Variants in SORCS2 observed in about 807,000 individuals in gnomAD.
The protein encoded by SORCS2 is sortilin related VPS10 domain containing receptor 2, also known as VPS10 domain-containing receptor SorCS2.
Under a neutral mutation model 141.6 loss-of-function variants are expected in SORCS2, and 100 were observed. The ratio of observed to expected loss-of-function variants is 0.71; its 90% CI spans 0.60 to 0.83. The LOEUF (loss-of-function observed/expected upper bound fraction) is 0.83. Ranked by LOEUF, SORCS2 falls within the 40% of genes least tolerant of loss-of-function variation. The pLI is 0.00. For missense variants in SORCS2, 1,646 were observed against 1,560.2 expected, an observed-to-expected ratio of 1.05 and a Z score of -0.93; for synonymous variants, 789 against 676.9, an observed-to-expected ratio of 1.17 and a Z score of -2.57.
intron 1 of SORCS2, among the ~76,000 whole-genome samples, chr4:7,363,225 A>AC (rs1447009208): frequency 6.7e-6 from 1 of 150,122 alleles, no homozygotes; most frequent in Non-Finnish European, 1.5e-5. Flanking sequence ...CACCATTACT[A>AC]CCATCATCAC....
chr4:7,475,673 A>G (rs1294616397), intron 2 of SORCS2, among the ~76,000 whole-genome samples: 4 of 152,362 alleles, frequency 2.6e-5, no homozygotes, highest in Admixed American at 6.5e-5. Context: ...GTACATGTGC[A>G]TACATGCACT....
rs1712257723 is a variant in SORCS2, at chr4:7,737,228, C to T, written c.3415+56C>T. ...CGCAGACTCTAGGTAACGTCCGCCCCAAACCCACCCCGCCCTCCCACAGGC... is the reference window on the plus strand; with the variant it reads ...CGCAGACTCTAGGTAACGTCCGCCCTAAACCCACCCCGCCCTCCCACAGGC... On this transcript the variant is annotated intron_variant, in intron 26 of 26. Transcript: ENST00000507866. 4 of 1,546,482 alleles carry T rather than the reference C, an allele frequency of 2.6e-6. No homozygotes were observed. In the African/African-American group the frequency reaches 4.1e-5, roughly 16 times the overall value.
At chr4:7,529,710 C>T (rs1733909543) in intron 2 of SORCS2, among the ~76,000 whole-genome samples, 1 of 152,180 alleles carries the variant, frequency 6.6e-6, no homozygotes, top group East Asian at 1.9e-4. Flanking sequence ...TCTGCAAGGG[C>T]CTTGGAATTT....
chr4:7,318,268 G>A (rs1361066307), intron 1 of SORCS2, among the ~76,000 whole-genome samples: 1 of 152,214 alleles, frequency 6.6e-6, no homozygotes, highest in Non-Finnish European at 1.5e-5. Context: ...GGCAGAGCTA[G>A]GTGCTGCACC....
At position 7,286,457 on chromosome 4, in the gene SORCS2, G is replaced by A. The variant is rs1461870250; in HGVS notation, c.480+93331G>A. Among the ~76,000 whole-genome samples, 1 of 152,220 alleles carries A rather than the reference G, an allele frequency of 6.6e-6. No homozygotes were observed. The highest frequency in any genetic ancestry group is 1.9e-4 in the East Asian group (1 of 5,194). ...AGCCACGAGGCCTGACGTTGGAGAT[G>A]CACCATCCTCTCAGCCCTGTTTCTC... On this transcript the variant is annotated intron_variant, in intron 1 of 26. Transcript: ENST00000507866. The surrounding 1 kb of genome is among the most constrained non-coding windows in gnomAD (Gnocchi z 4.1).
At chr4:7,442,875 G>A (rs1238639107) in intron 2 of SORCS2, among the ~76,000 whole-genome samples, 7 of 152,114 alleles carry the variant, frequency 4.6e-5, no homozygotes, top group Non-Finnish European at 2.9e-5. Context: ...GGGGTCTGAC[G>A]TCCAAAATCA....
intron 1 of SORCS2, among the ~76,000 whole-genome samples, chr4:7,231,559 A>G (rs1711891678): frequency 6.6e-6 from 1 of 151,820 alleles, no homozygotes; most frequent in African/African-American, 2.4e-5. Flanking sequence ...CCATCCATCC[A>G]CTCATTTGTT....
chr4:7,666,150 G>C (rs1191859686), intron 7 of SORCS2, among the ~76,000 whole-genome samples: 4 of 152,110 alleles, frequency 2.6e-5, no homozygotes, highest in African/African-American at 4.8e-5. Flanking sequence ...GGGGAGGCAG[G>C]AGCCGGGCAG....
rs534786012 is a variant in SORCS2, at chr4:7,274,243, T to C, written c.480+81117T>C. ...CTGTGAAGTACTGAAAATACTGAAG[T>C]GGGGAACTTCGGGTGCACTGGTTTG... is the stretch of plus-strand genomic sequence containing the variant. On this transcript the variant is annotated intron_variant, in intron 1 of 26. Coordinates refer to ENST00000507866, the MANE Select transcript of SORCS2 (RefSeq NM_020777.3). Among the ~76,000 whole-genome samples, 5 of 152,224 alleles carry C rather than the reference T, an allele frequency of 3.3e-5. No homozygotes were observed. In the South Asian group the frequency reaches 1.0e-3, roughly 32 times the overall value.
intron 2 of SORCS2, among the ~76,000 whole-genome samples, chr4:7,400,804 T>C (rs370738411): frequency 0.023 from 2,543 of 108,628 alleles, 77 homozygotes; most frequent in African/African-American, 0.087. Flanking sequence ...AATGGATTGA[T>C]AGATGGATAG....
At chr4:7,402,664 AC>A (rs1724667560) in intron 2 of SORCS2, among the ~76,000 whole-genome samples, 1 of 152,194 alleles carries the variant, frequency 6.6e-6, no homozygotes, top group Non-Finnish European at 1.5e-5. Context: ...TGTGTGCACA[AC>A]TTTCTTTTTC....
At chr4:7,259,305 CCGCAGAG>C (rs1714150508) in intron 1 of SORCS2, among the ~76,000 whole-genome samples, 1 of 152,152 alleles carries the variant, frequency 6.6e-6, no homozygotes, top group Non-Finnish European at 1.5e-5. Flanking sequence ...AAGCTGAGGT[CCGCAGAG>C]TTCAATTCCA....
chr4:7,622,625 G>A (rs558708582), intron 3 of SORCS2, among the ~76,000 whole-genome samples: 20 of 152,208 alleles, frequency 1.3e-4, no homozygotes, highest in African/African-American at 4.6e-4. Flanking sequence ...GCGCCTGGCC[G>A]GGCTCTGTCA....
At chr4:7,603,476 C>G (rs1018202485) in intron 3 of SORCS2, among the ~76,000 whole-genome samples, 2 of 152,126 alleles carry the variant, frequency 1.3e-5, no homozygotes, top group African/African-American at 4.8e-5. Context: ...CCCTGGCTTC[C>G]TTTGTTTTCA....
At chr4:7,639,903 G>T (rs1468756001) in intron 4 of SORCS2, among the ~76,000 whole-genome samples, 1 of 139,244 alleles carries the variant, frequency 7.2e-6, no homozygotes, top group Non-Finnish European at 1.5e-5. Context: ...GTGAAAGTGT[G>T]TTTGTGGGTG....
chr4:7,711,339 C>T (rs1725814301), intron 14 of SORCS2, among the ~76,000 whole-genome samples: 1 of 152,226 alleles, frequency 6.6e-6, no homozygotes, highest in Non-Finnish European at 1.5e-5. Flanking sequence ...CCCTACAAAA[C>T]CTCTTTCAAC....
chr4:7,304,534 C>T (rs1717653582), intron 1 of SORCS2, among the ~76,000 whole-genome samples: 2 of 152,222 alleles, frequency 1.3e-5, no homozygotes, highest in Admixed American at 1.3e-4. Flanking sequence ...GCCTGGGCTC[C>T]CTGATATCCT....
At chr4:7,299,068 C>A (rs1717263403) in intron 1 of SORCS2, among the ~76,000 whole-genome samples, 1 of 152,268 alleles carries the variant, frequency 6.6e-6, no homozygotes, top group Admixed American at 6.5e-5. Flanking sequence ...CCAGCTCCCC[C>A]AGCTGGGCAC....
intron 1 of SORCS2, among the ~76,000 whole-genome samples, chr4:7,311,830 C>T (rs891558588): frequency 6.6e-5 from 10 of 151,934 alleles, no homozygotes; most frequent in Admixed American, 2.6e-4. Context: ...ATATTTTCTC[C>T]CAGTTTGTGG....
Sources: allele counts gnomAD v4.1 joint callset (sites outside exome capture counted in the v4.1 genomes callset), GRCh38; gene constraint gnomAD v4.1.1; non-coding constraint Gnocchi (gnomAD v3.1); transcripts MANE v1.5; gene names NCBI Gene and HGNC (gene_info 2026-07-23, HGNC 2026-07-21).